AVEN: variants seen among roughly 807,000 people sequenced by gnomAD.
AVEN encodes apoptosis and caspase activation inhibitor.
In AVEN, 41 loss-of-function variants were observed where a neutral mutation model predicts 38.1. That is an observed-to-expected ratio of 1.08 (90% confidence interval 0.84 to 1.40). AVEN has a LOEUF of 1.40. AVEN is among the 40% of genes most tolerant of loss of function. The pLI is 0.00. For missense variants in AVEN, 605 were observed against 438.8 expected, an observed-to-expected ratio of 1.38 and a Z score of -3.38; for synonymous variants, 206 against 171.8, an observed-to-expected ratio of 1.20 and a Z score of -1.56.
At chr15:33,972,183 T>C (rs1416201253) in intron 2 of AVEN, 3 of 152,066 alleles carry the variant, frequency 2.0e-5, no homozygotes, top group Non-Finnish European at 4.4e-5. Flanking sequence ...GTTGGTTAAA[T>C]TCACAGACCA....
intron 2 of AVEN, among the ~76,000 whole-genome samples, chr15:33,918,924 G>GTT (rs34781502): frequency 0.51 from 70,823 of 139,752 alleles, 19,773 homozygotes; most frequent in Middle Eastern, 0.64. Context: ...CTGCTTTTCT[G>GTT]TTTTTTTTTT....
At chr15:34,001,753 T>C (rs1211248473) in intron 2 of AVEN, among the ~76,000 whole-genome samples, 1 of 152,220 alleles carries the variant, frequency 6.6e-6, no homozygotes, top group African/African-American at 2.4e-5. Context: ...TATGATCTAC[T>C]TCTTTCCTGC....
At chr15:33,943,428 C>T (rs13379743) in intron 2 of AVEN, among the ~76,000 whole-genome samples, 1 of 147,910 alleles carries the variant, frequency 6.8e-6, no homozygotes, top group East Asian at 2.1e-4. Context: ...ATAGAAAGTA[C>T]AATGAAGGCT....
At chr15:34,072,372 GGAGGCC>G (rs926605340) in intron 1 of AVEN, among the ~76,000 whole-genome samples, 3 of 151,918 alleles carry the variant, frequency 2.0e-5, no homozygotes, top group Non-Finnish European at 2.9e-5. Flanking sequence ...CAGCACTTTG[GGAGGCC>G]GAGGTGGGCA....
intron 2 of AVEN, among the ~76,000 whole-genome samples, chr15:33,998,069 G>C (rs1321931640): frequency 6.6e-6 from 1 of 151,922 alleles, no homozygotes; most frequent in African/African-American, 2.4e-5. Context: ...GGTTTTCTTA[G>C]ACCACTTCCT....
intron 2 of AVEN, among the ~76,000 whole-genome samples, chr15:33,996,846 G>A (rs1337588887): frequency 1.3e-5 from 2 of 152,164 alleles, no homozygotes; most frequent in Non-Finnish European, 2.9e-5. Context: ...AAAGCTGGAT[G>A]GAGAATGACT....
At chr15:33,945,784 G>C (rs112320504) in intron 2 of AVEN, among the ~76,000 whole-genome samples, 34 of 151,964 alleles carry the variant, frequency 2.2e-4, no homozygotes, top group Admixed American at 6.6e-5. Context: ...ACGGGGTTTC[G>C]CTATGTTGGC....
chr15:33,856,268 A>G (rs1447881496), downstream of AVEN: 1 of 152,104 alleles, frequency 6.6e-6, no homozygotes, highest in Non-Finnish European at 1.5e-5. Context: ...TTCTTCCCTC[A>G]AGTCTGCTGA....
chr15:33,868,386 A>AC (rs879342082), intron 4 of AVEN, among the ~76,000 whole-genome samples: 1 of 147,746 alleles, frequency 6.8e-6, no homozygotes. Context: ...AAACAAACAA[A>AC]AAACAAAAAA....
At chr15:33,870,656 C>G (rs941436075) in intron 4 of AVEN, among the ~76,000 whole-genome samples, 1 of 152,114 alleles carries the variant, frequency 6.6e-6, no homozygotes, top group African/African-American at 2.4e-5. Context: ...GAGCGTGATG[C>G]GTAAATATTT....
chr15:34,073,207 A>ATTTTTTTT (rs761265891), intron 1 of AVEN, among the ~76,000 whole-genome samples: 2 of 111,850 alleles, frequency 1.8e-5, no homozygotes, highest in African/African-American at 3.8e-5. Flanking sequence ...CGCCCGGCTA[A>ATTTTTTTT]TTTTTTTTTT....
intron 2 of AVEN, among the ~76,000 whole-genome samples, chr15:33,984,834 T>A (rs543918027): frequency 2.1e-3 from 313 of 152,230 alleles, no homozygotes; most frequent in East Asian, 2.1e-3. Context: ...TCACACCCAA[T>A]AACCACAAAT....
At chr15:33,949,053 TG>T (rs1434608223) in intron 2 of AVEN, among the ~76,000 whole-genome samples, 2 of 152,176 alleles carry the variant, frequency 1.3e-5, no homozygotes, top group African/African-American at 2.4e-5. Flanking sequence ...GACGGAGTTT[TG>T]CCCTTGTTGC....
chr15:33,872,547 G>T (rs1440540083), intron 3 of AVEN, among the ~76,000 whole-genome samples: 1 of 152,016 alleles, frequency 6.6e-6, no homozygotes, highest in East Asian at 1.9e-4. Flanking sequence ...CTCTCTGGGT[G>T]GCGTGGGGGG....
intron 1 of AVEN, among the ~76,000 whole-genome samples, chr15:34,023,620 T>TA (rs1439737606): frequency 1.3e-5 from 2 of 152,190 alleles, no homozygotes; most frequent in East Asian, 1.9e-4. Flanking sequence ...TGGAAGAAAA[T>TA]AAAAAAACTC....
chr15:33,952,179 A>T (rs1216216194), intron 2 of AVEN, among the ~76,000 whole-genome samples: 1 of 152,216 alleles, frequency 6.6e-6, no homozygotes, highest in Non-Finnish European at 1.5e-5. Flanking sequence ...GCTCACAAAC[A>T]GGTGGAAATG....
At chr15:34,072,228 C>T (rs1900641643) in intron 1 of AVEN, among the ~76,000 whole-genome samples, 1 of 152,004 alleles carries the variant, frequency 6.6e-6, no homozygotes, top group Non-Finnish European at 1.5e-5. Flanking sequence ...ATGATGGCAC[C>T]ATCTCTCTCC....
chr15:33,918,079 CA>C (rs2153047071), intron 2 of AVEN, among the ~76,000 whole-genome samples: 1 of 152,188 alleles, frequency 6.6e-6, no homozygotes, highest in African/African-American at 2.4e-5. Flanking sequence ...ACATTAGCAC[CA>C]TTAATTTCAC....
intron 2 of AVEN, among the ~76,000 whole-genome samples, chr15:33,926,702 C>A (rs1893618542): frequency 6.6e-6 from 1 of 152,088 alleles, no homozygotes; most frequent in African/African-American, 2.4e-5. Context: ...ACTCTGTCAC[C>A]CAGGCTGGAG....
Sources: gnomAD v4.1 joint callset for allele counts (sites outside exome capture counted in the v4.1 genomes callset) on GRCh38, gnomAD v4.1.1 for gene constraint, MANE v1.5 for transcripts, NCBI Gene and HGNC (gene_info 2026-07-23, HGNC 2026-07-21) for gene names.